The following DCTD variants were observed in gnomAD, a reference collection of about 807,000 sequenced individuals.
The protein encoded by DCTD is dCMP deaminase, also known as deoxycytidylate deaminase.
A neutral mutation model predicts 21.0 loss-of-function variants in DCTD; 23 were observed. The observed-to-expected ratio is 1.09, with a 90% CI of 0.79 to 1.55. DCTD has a LOEUF of 1.55. Ranked by LOEUF, DCTD falls within the 40% of genes most tolerant of loss-of-function variation. DCTD has a pLI of 0.00. For missense variants in DCTD, 224 were observed against 230.0 expected, an observed-to-expected ratio of 0.97 and a Z score of 0.17; for synonymous variants, 71 against 81.1, an observed-to-expected ratio of 0.88 and a Z score of 0.67.
intron 3 of DCTD, among the ~76,000 whole-genome samples, chr4:182,910,436 A>G (rs1737478607): frequency 6.6e-6 from 1 of 152,232 alleles, no homozygotes; most frequent in African/African-American, 2.4e-5. Flanking sequence ...TAACATTGGT[A>G]TTTTGATTAA....
chr4:182,901,777 T>TAAA (rs33920727), intron 3 of DCTD, among the ~76,000 whole-genome samples: 1 of 139,690 alleles, frequency 7.2e-6, no homozygotes, highest in Non-Finnish European at 1.6e-5. Flanking sequence ...ACCTGTGCAT[T>TAAA]AAAAAAAAAA....
intron 3 of DCTD, among the ~76,000 whole-genome samples, chr4:182,910,014 C>A (rs1737392482): frequency 6.6e-6 from 1 of 152,154 alleles, no homozygotes; most frequent in Non-Finnish European, 1.5e-5. Context: ...TAGAGTATCC[C>A]TGTAGACATA....
intron 4 of DCTD, among the ~76,000 whole-genome samples, chr4:182,893,581 C>T (rs1734191851): frequency 6.6e-6 from 1 of 152,262 alleles, no homozygotes; most frequent in Non-Finnish European, 1.5e-5. Flanking sequence ...GATCTGTTTT[C>T]TTGTCCTGAT....
At chr4:182,911,159 G>A (rs1737596390) in intron 3 of DCTD, 1 of 152,148 alleles carries the variant, frequency 6.6e-6, no homozygotes, top group Non-Finnish European at 1.5e-5. Flanking sequence ...TCCTTTCAGG[G>A]TTGCAGATAG....
chr4:182,903,523 C>A (rs938776993), intron 3 of DCTD, among the ~76,000 whole-genome samples: 1 of 152,188 alleles, frequency 6.6e-6, no homozygotes, highest in African/African-American at 2.4e-5. Flanking sequence ...TGTGTGGGCT[C>A]TGTTCTGTTT....
chr4:182,894,189 T>C (rs1470994005), intron 4 of DCTD, among the ~76,000 whole-genome samples: 1 of 152,206 alleles, frequency 6.6e-6, no homozygotes, highest in African/African-American at 2.4e-5. Flanking sequence ...CTATGCACAA[T>C]ATGTCAGAGA....
intron 1 of DCTD, chr4:182,916,241 C>T (rs896620904): frequency 7.8e-5 from 21 of 268,366 alleles, no homozygotes; most frequent in African/African-American, 4.6e-4. Flanking sequence ...CTATGAAAAA[C>T]GTCAAGTGCT....
Position 182,917,331 on chromosome 4 carries a change from C to G in DCTD, c.-28G>C. On this transcript the variant is annotated 5_prime_UTR_variant, in exon 1 of 6. Coordinates refer to ENST00000438320, the MANE Select transcript of DCTD (RefSeq NM_001921.3). This position sits in a 1 kb window ranked among gnomAD's most constrained non-coding sequence, Gnocchi z 4.9. The stretch of plus-strand genomic sequence containing the variant: ...CCCACCATCCGGTGCCGGCTCCGCG[C>G]GCAGGCCGGTGCTCGTCCCCGCCGC... The G allele has an allele frequency of 9.1e-7, 1 of 1,095,084 alleles. No homozygotes were observed. Among genetic ancestry groups the G allele is most frequent in the Non-Finnish European group, 1.1e-6 (1 of 901,520 alleles). 67.8% of individuals were successfully genotyped at this position (1,095,084 alleles called of 1,614,324 possible).
At chr4:182,895,156 C>T (rs747707955) in intron 3 of DCTD, among the ~76,000 whole-genome samples, 3 of 152,200 alleles carry the variant, frequency 2.0e-5, no homozygotes, top group Non-Finnish European at 4.4e-5. Flanking sequence ...ACTGCAGCCT[C>T]GAGCTCCTGG....
Position 182,892,706 on chromosome 4 carries a change from C to T in DCTD, c.458+325G>A, listed in dbSNP as rs1734017030. Among the ~76,000 whole-genome samples the T allele has an allele frequency of 2.0e-5, 3 of 152,154 alleles. No homozygotes were observed. The South Asian group carries it at 6.2e-4, about 31-fold the overall frequency. On this transcript the variant is annotated intron_variant, in intron 5 of 5. Transcript: ENST00000438320. ...TAAATTTTCTATGCCAAAGTTGTTA[C>T]ATTTGCAAAATTCACCAAGGTTTGG...
At chr4:182,891,670 AG>A (rs1210216344) in intron 5 of DCTD, among the ~76,000 whole-genome samples, 193 bp from the exon 6 acceptor site, 1 of 152,202 alleles carries the variant, frequency 6.6e-6, no homozygotes, top group African/African-American at 2.4e-5. Flanking sequence ...AGACAAAAAA[AG>A]ATGCATGGGG....
In DCTD at chr4:182,915,492, G is replaced by A; in HGVS notation, c.77C>T (p.Ser26Leu). Residue 26 changes from serine (S) to leucine (L), a missense_variant, in exon 2 of 6, where the codon TCA (serine) becomes TTA (leucine). Ser to Leu is a moderately radical substitution (Grantham distance 145, BLOSUM62 -2). Transcript: ENST00000438320. ...PEYFMAVAFL[S>L]AQRSKDPNSQ... is the part of the protein sequence containing the mutation. ...ATTTGGATCTTTGCTTCTCTGTGCT[G>A]ATAAGAAGGCCACAGCCATAAAATA... 1 of 1,612,924 alleles carries A rather than the reference G, an allele frequency of 6.2e-7. No individual in the cohort carries two copies. Among genetic ancestry groups the A allele is most frequent in the Non-Finnish European group, 8.5e-7 (1 of 1,178,872 alleles).
intron 3 of DCTD, among the ~76,000 whole-genome samples, chr4:182,907,619 G>T (rs1246291572): frequency 6.6e-6 from 1 of 150,782 alleles, no homozygotes; most frequent in Non-Finnish European, 1.5e-5. Flanking sequence ...AGGGAAAGGC[G>T]CCTGTTTCTA....
At chr4:182,895,302 C>T (rs1255221612) in intron 3 of DCTD, among the ~76,000 whole-genome samples, 2 of 152,108 alleles carry the variant, frequency 1.3e-5, no homozygotes, top group Non-Finnish European at 2.9e-5. Flanking sequence ...AAATCCTGGC[C>T]GTAAGTGATC....
Position 182,915,119 on chromosome 4 carries a change from G to C in DCTD, c.109-61C>G. The C allele has an allele frequency of 2.5e-6, 4 of 1,608,428 alleles. No individual in the cohort carries two copies. The South Asian group carries it at 4.4e-5, about 18-fold the overall frequency. ...AACTGGCTGGTCTGCCGCTGTGGAA[G>C]CAGGGAATAAAACCAGGGGGACTGC... is the stretch of plus-strand genomic sequence containing the variant. On this transcript the variant is annotated intron_variant, in intron 2 of 5. Coordinates refer to ENST00000438320, the MANE Select transcript of DCTD (RefSeq NM_001921.3).
At chr4:182,909,280 T>C (rs1737268583) in intron 3 of DCTD, among the ~76,000 whole-genome samples, 4 of 152,222 alleles carry the variant, frequency 2.6e-5, no homozygotes, top group Admixed American at 2.0e-4. Context: ...TGGTTGATTT[T>C]AGTGGGTGGG....
chr4:182,916,784 C>A, intron 1 of DCTD: 1 of 1,126,498 alleles, frequency 8.9e-7, no homozygotes. Context: ...AGGGAAGGGT[C>A]CTGTTAATCC....
At chr4:182,900,524 T>C (rs940972163) in intron 3 of DCTD, among the ~76,000 whole-genome samples, 6 of 152,028 alleles carry the variant, frequency 3.9e-5, no homozygotes, top group Admixed American at 3.9e-4. Flanking sequence ...AGTTTTTATA[T>C]TCGTAGTAGG....
chr4:182,903,203 G>A (rs1228946140), intron 3 of DCTD, among the ~76,000 whole-genome samples: 1 of 152,160 alleles, frequency 6.6e-6, no homozygotes, highest in African/African-American at 2.4e-5. Flanking sequence ...AACAGGACCT[G>A]TTTCCTAAGA....
Sources: allele counts gnomAD v4.1 joint callset (sites outside exome capture counted in the v4.1 genomes callset), GRCh38; gene constraint gnomAD v4.1.1; non-coding constraint Gnocchi (gnomAD v3.1); transcripts MANE v1.5; gene names NCBI Gene and HGNC (gene_info 2026-07-23, HGNC 2026-07-21).